Variants in H2AZ2 observed in about 807,000 individuals in gnomAD.
The protein encoded by H2AZ2 is H2A.Z variant histone 2.
Under a neutral mutation model 15.5 loss-of-function variants are expected in H2AZ2, and 5 were observed. The ratio of observed to expected loss-of-function variants is 0.32; its 90% CI spans 0.17 to 0.68. The LOEUF (loss-of-function observed/expected upper bound fraction) is 0.68. Ranked by LOEUF, H2AZ2 falls within the 30% of genes least tolerant of loss-of-function variation. The pLI is 0.72. For missense variants in H2AZ2, 42 were observed against 162.5 expected, an observed-to-expected ratio of 0.26 and a Z score of 4.03; for synonymous variants, 44 against 57.4, an observed-to-expected ratio of 0.77 and a Z score of 1.05.
chr7:44,839,082 C>T (rs1240104350), intron 3 of H2AZ2, among the ~76,000 whole-genome samples: 2 of 152,212 alleles, frequency 1.3e-5, no homozygotes, highest in African/African-American at 2.4e-5. Flanking sequence ...GAGTAATATA[C>T]AGCAATTTTG....
At chr7:44,844,170 A>G (rs1221091124) in intron 1 of H2AZ2, among the ~76,000 whole-genome samples, 1 of 152,254 alleles carries the variant, frequency 6.6e-6, no homozygotes, top group African/African-American at 2.4e-5. Context: ...CCACGTTCAC[A>G]GAAGCATTAT....
At chr7:44,846,058 CACACAGAGAGAGACAG>C (rs1793394684) in intron 1 of H2AZ2, among the ~76,000 whole-genome samples, 1 of 92,658 alleles carries the variant, frequency 1.1e-5, no homozygotes, top group Non-Finnish European at 2.6e-5. Context: ...CACACACACA[CACACAGAGAGAGACAG>C]AGAGAGAGAG....
chr7:44,838,045 G>A (rs534294302), intron 3 of H2AZ2, among the ~76,000 whole-genome samples: 1 of 151,632 alleles, frequency 6.6e-6, no homozygotes, highest in Non-Finnish European at 1.5e-5. Flanking sequence ...ATCTCGGCTC[G>A]CTGCAACCTC....
chr7:44,839,723 C>A (rs113714275), intron 3 of H2AZ2, among the ~76,000 whole-genome samples: 375 of 151,626 alleles, frequency 2.5e-3, no homozygotes, highest in African/African-American at 8.6e-3. Context: ...AAAATTAGCA[C>A]CCAGCGCAGT....
chr7:44,840,808 T>C (rs1227277978), intron 3 of H2AZ2, 91 bp downstream of exon 3: 2 of 803,898 alleles, frequency 2.5e-6, no homozygotes, highest in East Asian at 2.7e-5. Context: ...GAGCATAATA[T>C]GTCTTTTTTC....
At chr7:44,838,356 C>G (rs1259609025) in intron 3 of H2AZ2, among the ~76,000 whole-genome samples, 2 of 151,674 alleles carry the variant, frequency 1.3e-5, no homozygotes, top group African/African-American at 4.8e-5. Flanking sequence ...ATAAAAGAGG[C>G]CAGGTGGCCT....
chr7:44,835,796 T>C, intron 3 of H2AZ2, 138 bp from the exon 4 acceptor site: 3 of 703,590 alleles, frequency 4.3e-6, no homozygotes, highest in Non-Finnish European at 6.5e-6. Flanking sequence ...ATTTCTATAA[T>C]GCTTTTATAA....
rs1205287085 is a variant in H2AZ2 at position 44,841,030 on chromosome 7, T to C, written c.82-18A>G. 1 of 1,572,774 alleles carries C rather than the reference T, an allele frequency of 6.4e-7. No homozygotes were observed. The highest frequency in any genetic ancestry group is 2.2e-5 in the East Asian group (1 of 44,632). On this transcript the variant is annotated intron_variant, in intron 2 of 4. Coordinates refer to ENST00000308153, the MANE Select transcript of H2AZ2 (RefSeq NM_012412.5). ...ACAGGAAACTAAAAGAGAGATGTCT[T>C]AGTGGGAAGCACTGCAGAGTCTTAA...
At chr7:44,839,784 C>T (rs572214182) in intron 3 of H2AZ2, among the ~76,000 whole-genome samples, 6 of 151,478 alleles carry the variant, frequency 4.0e-5, no homozygotes, top group Admixed American at 6.6e-5. Flanking sequence ...AAGTGGATCA[C>T]CTGAGGTCAG....
chr7:44,834,493 G>A lies in H2AZ2; in HGVS notation c.*8C>T. 1.9e-6 allele frequency: 3 copies of A among 1,608,710 alleles called. No homozygotes were observed. The highest frequency in any genetic ancestry group is 2.2e-4 in the Middle Eastern group (1 of 4,468). The stretch of plus-strand genomic sequence containing the variant: ...ACGGGGAGGAAGAGGGTTGGTTAAA[G>A]CATCCCTCTAAGCAGTTTTCTGCTG... On this transcript the variant is annotated 3_prime_UTR_variant, in exon 5 of 5. Coordinates refer to ENST00000308153, the MANE Select transcript of H2AZ2 (RefSeq NM_012412.5).
At chr7:44,828,015 G>A (rs752789536), downstream of H2AZ2, 1 of 152,158 alleles carries the variant, frequency 6.6e-6, no homozygotes, top group Non-Finnish European at 1.5e-5. Context: ...AGAGCTAATT[G>A]TCAGGCACTC....
Position 44,834,084 on chromosome 7 carries a change from T to C in H2AZ2, c.*417A>G, listed in dbSNP as rs1793059106. 1.2e-6 allele frequency: 1 copy of C among 848,320 alleles called. No homozygotes were observed. Among genetic ancestry groups the C allele is most frequent in the Non-Finnish European group, 1.4e-6 (1 of 703,594 alleles). 52.5% of individuals were successfully genotyped at this position (848,320 alleles called of 1,614,324 possible). On this transcript the variant is annotated 3_prime_UTR_variant, in exon 5 of 5. Transcript: ENST00000308153. ...CAGATCAATAGCATCTAAGAGTCAATATACCATGGTATCAATCATTGTAAA... is the reference window on the plus strand; with the variant it reads ...CAGATCAATAGCATCTAAGAGTCAACATACCATGGTATCAATCATTGTAAA...
chr7:44,827,584 G>A (rs1327758654), downstream of H2AZ2: 3 of 152,178 alleles, frequency 2.0e-5, no homozygotes, highest in Non-Finnish European at 4.4e-5. Context: ...CAACTGCAGA[G>A]TTTATTTATA....
Position 44,841,655 on chromosome 7 carries a change from G to A in H2AZ2, c.82-643C>T, listed in dbSNP as rs569173433. Among the ~76,000 whole-genome samples the A allele has an allele frequency of 7.9e-5, 12 of 152,224 alleles. 1 individual carries two copies. In the South Asian group the frequency reaches 2.1e-3, roughly 26 times the overall value. ...CTCCTGAGTAGGTGGGATTATAGGC[G>A]CGCCAGGACGCCTGGCTGTTTTGTA... On this transcript the variant is annotated intron_variant, in intron 2 of 4. Transcript: ENST00000308153.
intron 1 of H2AZ2, among the ~76,000 whole-genome samples, chr7:44,845,790 T>A (rs1436357825): frequency 6.6e-6 from 1 of 152,148 alleles, no homozygotes; most frequent in Non-Finnish European, 1.5e-5. Flanking sequence ...CCTGATACAT[T>A]TCTCATACTT....
At chr7:44,836,974 C>T (rs560338886) in intron 3 of H2AZ2, among the ~76,000 whole-genome samples, 4 of 151,348 alleles carry the variant, frequency 2.6e-5, no homozygotes, top group Non-Finnish European at 5.9e-5. Context: ...CCAGCCTGGA[C>T]GACAGAGCGA....
chr7:44,843,053 C>T (rs945311498), intron 2 of H2AZ2, among the ~76,000 whole-genome samples: 2 of 138,244 alleles, frequency 1.4e-5, no homozygotes, highest in Non-Finnish European at 3.0e-5. Context: ...GCAGGAGAAT[C>T]GCTTGAATCC....
At chr7:44,838,422 G>A (rs1449400052) in intron 3 of H2AZ2, among the ~76,000 whole-genome samples, 3 of 152,118 alleles carry the variant, frequency 2.0e-5, no homozygotes, top group African/African-American at 7.2e-5. Flanking sequence ...AGGCTGGGGC[G>A]GACAGATCAT....
chr7:44,845,097 C>T (rs967114092), intron 1 of H2AZ2, among the ~76,000 whole-genome samples: 1 of 152,110 alleles, frequency 6.6e-6, no homozygotes, highest in Non-Finnish European at 1.5e-5. Context: ...CCCTTTGTAG[C>T]TAACCCTTTC....
Sources: allele counts gnomAD v4.1 joint callset (sites outside exome capture counted in the v4.1 genomes callset), GRCh38; gene constraint gnomAD v4.1.1; transcripts MANE v1.5; gene names NCBI Gene and HGNC (gene_info 2026-07-23, HGNC 2026-07-21).